Variants in SGK3 observed in about 807,000 individuals in gnomAD.
SGK3 encodes the protein serine/threonine-protein kinase Sgk3.
In SGK3, 47 loss-of-function variants were observed where a neutral mutation model predicts 68.5. The ratio of observed to expected loss-of-function variants is 0.69; its 90% CI spans 0.54 to 0.87. The LOEUF (loss-of-function observed/expected upper bound fraction) is 0.87. Among genes scored for constraint, SGK3 ranks in the 40% least tolerant of loss-of-function variants. The pLI is 0.00. For missense variants in SGK3, 479 were observed against 575.5 expected (o/e 0.83, Z 1.72); for synonymous variants, 181 against 189.1 (o/e 0.96, Z 0.35).
chr8:66,839,537 A>ATATATATATG, intron 10 of SGK3, among the ~76,000 whole-genome samples: 2 of 76,070 alleles, frequency 2.6e-5, no homozygotes, highest in Non-Finnish European at 5.2e-5. Flanking sequence ...ATATATATAT[A>ATATATATATG]TATATATATA....
chr8:66,731,980 A>G (rs1157203801), intron 1 of SGK3, among the ~76,000 whole-genome samples: 1 of 152,194 alleles, frequency 6.6e-6, no homozygotes, highest in Non-Finnish European at 1.5e-5. Flanking sequence ...ACTAGCATTC[A>G]TATTTTGAGA....
chr8:66,849,760 T>TAG (rs941026822), intron 15 of SGK3, among the ~76,000 whole-genome samples: 7 of 152,016 alleles, frequency 4.6e-5, no homozygotes, highest in African/African-American at 1.7e-4. Flanking sequence ...CACTGTTTTG[T>TAG]AGAGATGGGA....
At chr8:66,761,498 G>A (rs1806162491) in intron 1 of SGK3, among the ~76,000 whole-genome samples, 1 of 152,200 alleles carries the variant, frequency 6.6e-6, no homozygotes, top group African/African-American at 2.4e-5. Flanking sequence ...AGTTTGGGCT[G>A]GGCATGGTGG....
chr8:66,807,233 A>T (rs1808205312), intron 4 of SGK3, among the ~76,000 whole-genome samples: 1 of 152,232 alleles, frequency 6.6e-6, no homozygotes, highest in African/African-American at 2.4e-5. Context: ...TGGGTGACTG[A>T]GACAATTAAC....
intron 14 of SGK3, among the ~76,000 whole-genome samples, chr8:66,844,581 A>G (rs1474511696): frequency 6.6e-6 from 1 of 152,196 alleles, no homozygotes; most frequent in Non-Finnish European, 1.5e-5. Context: ...GCTTTTTGAC[A>G]TGTTTAGAAA....
Position 66,839,539 on chromosome 8 carries a change from A to ATATATATATG in SGK3, c.742-455_742-454insGTATATATAT, listed in dbSNP as rs1563654625. Among the ~76,000 whole-genome samples the ATATATATATG allele has an allele frequency of 4.0e-4, 28 of 69,812 alleles. 1 individual carries two copies. Among genetic ancestry groups the ATATATATATG allele is most frequent in the Non-Finnish European group, 6.0e-4 (21 of 34,928 alleles). The allele number at this position is 69,812 out of a possible 152,430, so 45.8% of individuals were successfully genotyped here. A position where few individuals can be genotyped will look rare whatever the true frequency, so the allele number is the denominator to read the frequency against. On this transcript the variant is annotated intron_variant, in intron 10 of 16. Coordinates refer to ENST00000521198, the MANE Select transcript of SGK3 (RefSeq NM_001033578.3). ...TATATATATATATATATATATATAT[A>ATATATATATG]TATATATATATATATATATTTTCAT...
chr8:66,838,466 T>G (rs771091588), intron 10 of SGK3, among the ~76,000 whole-genome samples: 59 of 152,318 alleles, frequency 3.9e-4, no homozygotes, highest in Non-Finnish European at 6.6e-4. Context: ...GCATTTAACC[T>G]AGATATCTCG....
intron 1 of SGK3, among the ~76,000 whole-genome samples, chr8:66,779,793 G>T (rs549754988): frequency 1.3e-5 from 2 of 150,842 alleles, no homozygotes; most frequent in South Asian, 4.2e-4. Context: ...AAATTAAGTA[G>T]TATAATTTAA....
At chr8:66,728,892 G>A (rs904966981) in intron 1 of SGK3, among the ~76,000 whole-genome samples, 1 of 151,822 alleles carries the variant, frequency 6.6e-6, no homozygotes, top group Admixed American at 6.6e-5. Context: ...CTCCAGCCTG[G>A]GCAACAGAGC....
At chr8:66,729,340 C>G (rs904935587) in intron 1 of SGK3, among the ~76,000 whole-genome samples, 6 of 151,834 alleles carry the variant, frequency 4.0e-5, no homozygotes, top group Non-Finnish European at 7.4e-5. Context: ...CCTGTAGTCC[C>G]AGCTACTCGG....
intron 2 of SGK3, among the ~76,000 whole-genome samples, chr8:66,797,441 C>T (rs1807744787): frequency 6.6e-6 from 1 of 152,098 alleles, no homozygotes; most frequent in African/African-American, 2.4e-5. Context: ...TAATAGCTTC[C>T]TCTGAGACAA....
intron 1 of SGK3, among the ~76,000 whole-genome samples, chr8:66,786,786 G>A (rs1247909778): frequency 2.6e-5 from 4 of 152,024 alleles, no homozygotes; most frequent in Non-Finnish European, 1.5e-5. Flanking sequence ...TAGCTAAGCT[G>A]TACAGTCTGC....
At chr8:66,855,495 A>G (rs7820403) in intron 16 of SGK3, among the ~76,000 whole-genome samples, 19,692 of 152,060 alleles carry the variant, frequency 0.13, 2,419 homozygotes, top group African/African-American at 0.32. Flanking sequence ...GAGCCACCGC[A>G]CCCAACCGAC....
intron 8 of SGK3, among the ~76,000 whole-genome samples, chr8:66,834,578 G>A (rs1283285301): frequency 6.6e-6 from 1 of 152,048 alleles, no homozygotes; most frequent in Non-Finnish European, 1.5e-5. Context: ...TTTTCTGTAT[G>A]TATGCTATGT....
intron 1 of SGK3, among the ~76,000 whole-genome samples, chr8:66,791,847 C>G (rs1013146725): frequency 6.6e-6 from 1 of 152,170 alleles, no homozygotes; most frequent in Non-Finnish European, 1.5e-5. Flanking sequence ...TGCTCTCATG[C>G]TTAGACAGTA....
Position 66,813,894 on chromosome 8 carries a change from C to T in SGK3, c.295C>T (p.Gln99Ter). The T allele has an allele frequency of 6.3e-7, 1 of 1,596,608 alleles. No individual in the cohort carries two copies. The highest frequency in any genetic ancestry group is 1.1e-5 in the South Asian group (1 of 87,204). Residue 99 changes from glutamine (Q) to a stop codon, truncating the protein, a stop_gained, in exon 5 of 17, where the codon CAG becomes TAG. Coordinates refer to ENST00000521198, the MANE Select transcript of SGK3 (RefSeq NM_001033578.3). LOFTEE classifies it high-confidence loss of function. ...ACGAGCAGGACTAAACGAATTCATT[C>T]AGAACCTAGTTAGGTATCCAGAACT... ...QRRAGLNEFI[Q>*]NLVRYPELYN...
chr8:66,759,590 C>T (rs543442970), intron 1 of SGK3, among the ~76,000 whole-genome samples: 1 of 152,214 alleles, frequency 6.6e-6, no homozygotes, highest in South Asian at 2.1e-4. Flanking sequence ...CACCACCACA[C>T]CTAGCTAATT....
intron 1 of SGK3, among the ~76,000 whole-genome samples, chr8:66,774,142 A>G (rs1326555869): frequency 2.0e-5 from 3 of 152,200 alleles, no homozygotes; most frequent in African/African-American, 7.2e-5. Context: ...TGAGGTCACC[A>G]GGCTAAATCC....
At chr8:66,822,485 A>G (rs1201852366) in intron 6 of SGK3, 26 bp downstream of exon 6, 2 of 1,597,790 alleles carry the variant, frequency 1.3e-6, no homozygotes, top group Non-Finnish European at 1.7e-6. Context: ...GCCTTTCTTA[A>G]TAGAAAAAAT....
Sources: allele counts gnomAD v4.1 joint callset (sites outside exome capture counted in the v4.1 genomes callset), GRCh38; gene constraint gnomAD v4.1.1; transcripts MANE v1.5; gene names NCBI Gene and HGNC (gene_info 2026-07-23, HGNC 2026-07-21).